KLHL1: variants seen among roughly 807,000 people sequenced by gnomAD.
The protein encoded by KLHL1 is kelch like family member 1, also known as kelch-like protein 1.
KLHL1 carries 47 observed loss-of-function variants against 77.7 expected under a neutral mutation model. The ratio of observed to expected loss-of-function variants is 0.60; its 90% confidence interval spans 0.48 to 0.77. The LOEUF is 0.77. Ranked by LOEUF, KLHL1 falls within the 30% of genes least tolerant of loss-of-function variation. The pLI, the probability that KLHL1 is intolerant of heterozygous loss-of-function variation, is 0.00. For synonymous variants in KLHL1, 360 were observed against 325.2 expected (o/e 1.11, Z -1.15); for missense variants, 925 against 910.8 (o/e 1.02, Z -0.20).
intron 1 of KLHL1, among the ~76,000 whole-genome samples, chr13:70,100,619 C>T (rs1052630215): frequency 1.5e-4 from 23 of 152,280 alleles, no homozygotes; most frequent in Admixed American, 1.3e-3. Flanking sequence ...AGGCATCAAG[C>T]CTTTTTAGTG....
At chr13:69,986,028 ATACTATTCATACCCTCCAGGATATTAC>A (rs1884860916) in intron 1 of KLHL1, among the ~76,000 whole-genome samples, 1 of 151,264 alleles carries the variant, frequency 6.6e-6, no homozygotes, top group Non-Finnish European at 1.5e-5. Flanking sequence ...ATTGTGTGGA[ATACTATTCATACCCTCCAGGATATTAC>A]TTTAAGTAAA....
intron 1 of KLHL1, among the ~76,000 whole-genome samples, chr13:69,988,091 G>C (rs1251334005): frequency 6.6e-6 from 1 of 150,900 alleles, no homozygotes; most frequent in Non-Finnish European, 1.5e-5. Flanking sequence ...CTTTTTTTTG[G>C]CGGGGGGAAC....
chr13:70,094,387 TC>T (rs1421897006), intron 1 of KLHL1, among the ~76,000 whole-genome samples: 1 of 116,832 alleles, frequency 8.6e-6, no homozygotes, highest in African/African-American at 4.9e-5. Context: ...TACAATGCAA[TC>T]ATCTTTATAT....
chr13:70,022,888 T>C (rs1170565533), intron 1 of KLHL1, among the ~76,000 whole-genome samples: 1 of 151,710 alleles, frequency 6.6e-6, no homozygotes, highest in African/African-American at 2.4e-5. Context: ...GTATTAAGAG[T>C]TTTCAAGAAA....
intron 5 of KLHL1, among the ~76,000 whole-genome samples, chr13:69,868,566 C>T (rs887025280): frequency 6.6e-5 from 10 of 151,846 alleles, no homozygotes; most frequent in African/African-American, 2.2e-4. Flanking sequence ...AAAATTAGGC[C>T]TTGTGGTTTA....
chr13:69,902,460 A>C, intron 4 of KLHL1, among the ~76,000 whole-genome samples: 1 of 152,204 alleles, frequency 6.6e-6, no homozygotes, highest in East Asian at 1.9e-4. Flanking sequence ...GTATTGTAAC[A>C]TTTTAAAGGG....
chr13:69,916,041 T>TA (rs1861094387), intron 4 of KLHL1, among the ~76,000 whole-genome samples: 2 of 152,100 alleles, frequency 1.3e-5, no homozygotes, highest in African/African-American at 4.8e-5. Flanking sequence ...CACAATGAGA[T>TA]ACCATCTCAC....
intron 1 of KLHL1, among the ~76,000 whole-genome samples, chr13:70,024,336 T>C (rs1885877343): frequency 6.6e-6 from 1 of 151,894 alleles, no homozygotes; most frequent in African/African-American, 2.4e-5. Flanking sequence ...ATAACACTTC[T>C]GAATTGTAAG....
intron 7 of KLHL1, among the ~76,000 whole-genome samples, chr13:69,763,000 A>T (rs1044319106): frequency 6.6e-6 from 1 of 152,090 alleles, no homozygotes; most frequent in African/African-American, 2.4e-5. Flanking sequence ...TCATAAGTTT[A>T]AGAGAAATTG....
intron 1 of KLHL1, among the ~76,000 whole-genome samples, chr13:70,020,641 C>A (rs1885764822): frequency 6.6e-6 from 1 of 152,014 alleles, no homozygotes; most frequent in African/African-American, 2.4e-5. Context: ...CTATGATTCC[C>A]AGGGCACAGA....
chr13:69,957,474 T>G (rs115272908), intron 3 of KLHL1, among the ~76,000 whole-genome samples: 1,567 of 151,870 alleles, frequency 0.01, 27 homozygotes, highest in African/African-American at 0.035. Context: ...ATTCGCTATA[T>G]TCCTTGATTT....
chr13:69,904,236 C>T (rs968636159), intron 4 of KLHL1, among the ~76,000 whole-genome samples: 1 of 151,998 alleles, frequency 6.6e-6, no homozygotes, highest in African/African-American at 2.4e-5. Context: ...GAATTCCTGA[C>T]AATATTACCT....
intron 1 of KLHL1, among the ~76,000 whole-genome samples, chr13:70,017,648 G>C (rs1045706604): frequency 3.9e-5 from 6 of 152,206 alleles, no homozygotes; most frequent in Non-Finnish European, 8.8e-5. Context: ...CAGCAGGTAT[G>C]AGCAATACTC....
chr13:69,714,890 G>A (rs187584519), intron 9 of KLHL1, among the ~76,000 whole-genome samples: 18 of 152,150 alleles, frequency 1.2e-4, no homozygotes, highest in African/African-American at 3.1e-4. Flanking sequence ...CACTGCACCC[G>A]GCCGATATCC....
chr13:69,840,694 A>ATG (rs1555272794), intron 5 of KLHL1, among the ~76,000 whole-genome samples: 6 of 128,966 alleles, frequency 4.7e-5, no homozygotes, highest in African/African-American at 1.9e-4. Context: ...TTATATATAT[A>ATG]TATATATGTA....
At chr13:70,048,886 G>C (rs1008179441) in intron 1 of KLHL1, among the ~76,000 whole-genome samples, 1 of 152,148 alleles carries the variant, frequency 6.6e-6, no homozygotes, top group Non-Finnish European at 1.5e-5. Flanking sequence ...ACAATACTTT[G>C]AAAGGGGCAG....
At chr13:70,064,179 G>T (rs1345646460) in intron 1 of KLHL1, among the ~76,000 whole-genome samples, 2 of 151,962 alleles carry the variant, frequency 1.3e-5, no homozygotes, top group Non-Finnish European at 2.9e-5. Context: ...ATTTATTTTG[G>T]CCAGTTAGAA....
chr13:69,704,208 A>T (rs186949273), intron 10 of KLHL1, among the ~76,000 whole-genome samples: 1 of 151,590 alleles, frequency 6.6e-6, no homozygotes, highest in Admixed American at 6.6e-5. Context: ...ACAAAATGTG[A>T]TATTCCCCTT....
chr13:69,880,901 C>T (rs536203003), intron 5 of KLHL1, among the ~76,000 whole-genome samples: 10 of 152,236 alleles, frequency 6.6e-5, no homozygotes, highest in African/African-American at 2.4e-4. Context: ...ACTGTCACAG[C>T]ATCTGTCATT....
Sources: allele counts gnomAD v4.1 joint callset (sites outside exome capture counted in the v4.1 genomes callset), GRCh38; gene constraint gnomAD v4.1.1; transcripts MANE v1.5; gene names NCBI Gene and HGNC (gene_info 2026-07-23, HGNC 2026-07-21).